Variants in UBR1 observed in about 807,000 individuals in gnomAD.
UBR1 encodes ubiquitin protein ligase E3 component n-recognin 1.
A neutral mutation model predicts 242.1 loss-of-function variants in UBR1; 102 were observed. The observed-to-expected ratio is 0.42, with a 90% CI of 0.36 to 0.50. UBR1 has a LOEUF of 0.50. Among genes scored for constraint, UBR1 ranks in the 20% least tolerant of loss-of-function variants. The pLI is 0.01. For synonymous variants in UBR1, 675 were observed against 684.8 expected, an observed-to-expected ratio of 0.99 and a Z score of 0.22; for missense variants, 1,772 against 2,101.8, an observed-to-expected ratio of 0.84 and a Z score of 3.07.
At chr15:43,097,012 C>T (rs2034169858) in intron 1 of UBR1, among the ~76,000 whole-genome samples, 1 of 152,024 alleles carries the variant, frequency 6.6e-6, no homozygotes, top group Non-Finnish European at 1.5e-5. Flanking sequence ...ACTTTGCCCA[C>T]ATCTATCAGA....
intron 29 of UBR1, among the ~76,000 whole-genome samples, chr15:43,015,403 G>T (rs2033005763): frequency 6.6e-6 from 1 of 152,004 alleles, no homozygotes; most frequent in Non-Finnish European, 1.5e-5. Flanking sequence ...TGGATTAAGG[G>T]CGGTGCAAGA....
intron 33 of UBR1, among the ~76,000 whole-genome samples, chr15:42,991,617 T>C (rs1644130540): frequency 6.6e-6 from 1 of 152,156 alleles, no homozygotes; most frequent in African/African-American, 2.4e-5. Flanking sequence ...AAAAAAAAAT[T>C]GTCCCATAGA....
At chr15:43,012,401 GA>G (rs1484569714) in intron 29 of UBR1, among the ~76,000 whole-genome samples, 2 of 152,126 alleles carry the variant, frequency 1.3e-5, no homozygotes, top group African/African-American at 2.4e-5. Context: ...TAAATGCATA[GA>G]AAGAGGTCTA....
intron 6 of UBR1, among the ~76,000 whole-genome samples, chr15:43,061,563 A>T (rs2033686579): frequency 6.6e-6 from 1 of 152,120 alleles, no homozygotes; most frequent in Non-Finnish European, 1.5e-5. Flanking sequence ...ACACACACAT[A>T]TGTATATATA....
At chr15:43,086,316 T>C in intron 1 of UBR1, 76 bp from the exon 2 acceptor site, 2 of 1,526,124 alleles carry the variant, frequency 1.3e-6, no homozygotes, top group Non-Finnish European at 1.8e-6. Flanking sequence ...AATAATGACA[T>C]AATTCTACAA....
chr15:43,058,517 A>G, intron 9 of UBR1, 88 bp from the exon 10 acceptor site: 1 of 808,470 alleles, frequency 1.2e-6, no homozygotes, highest in Admixed American at 2.2e-5. Flanking sequence ...GTGGCAGAAT[A>G]TTATAAAATT....
chr15:42,947,825 G>A (rs1390440314), intron 46 of UBR1, among the ~76,000 whole-genome samples: 1 of 152,204 alleles, frequency 6.6e-6, no homozygotes, highest in African/African-American at 2.4e-5. Flanking sequence ...CTCATGGGTA[G>A]GAAGAATCAG....
At chr15:42,999,357 C>T (rs2032688677) in intron 32 of UBR1, among the ~76,000 whole-genome samples, 1 of 152,328 alleles carries the variant, frequency 6.6e-6, no homozygotes, top group African/African-American at 2.4e-5. Flanking sequence ...AGAAGAGCTC[C>T]CTGACAACTC....
chr15:43,067,813 C>T (rs1396544507), intron 6 of UBR1, 85 bp downstream of exon 6: 1 of 1,557,710 alleles, frequency 6.4e-7, no homozygotes, highest in Non-Finnish European at 8.8e-7. Flanking sequence ...AGACCTAGCA[C>T]AATACTGAGC....
In UBR1 at chr15:42,979,215, T is replaced by C. The variant is rs529369495; in HGVS notation, c.4151-1268A>G. Reference sequence around the variant, plus strand: ...ACCAATTTTTTCTTTTTTTCTTTTTTTTTTTTTTAGTAGAGATGGGGTTTC... The same window carrying C: ...ACCAATTTTTTCTTTTTTTCTTTTTCTTTTTTTTAGTAGAGATGGGGTTTC... On this transcript the variant is annotated intron_variant, in intron 37 of 46. Transcript: ENST00000290650. Among the ~76,000 whole-genome samples, 59 of 150,718 alleles carry C rather than the reference T, an allele frequency of 3.9e-4. No homozygotes were observed. In the South Asian group the frequency reaches 0.012, roughly 31 times the overall value.
In UBR1 at chr15:42,990,179, G is replaced by C. The variant is rs187300160; in HGVS notation, c.3758-59C>G. The C allele has an allele frequency of 5.1e-6, 6 of 1,180,992 alleles. No homozygotes were observed. The Admixed American group carries it at 1.2e-4, about 24-fold the overall frequency. 73.2% of individuals were successfully genotyped at this position (1,180,992 alleles called of 1,614,324 possible). A position where few individuals can be genotyped will look rare whatever the true frequency, so the allele number is the denominator to read the frequency against. The stretch of plus-strand genomic sequence containing the variant: ...ATGAATGAGTTTAGTCTGACATACA[G>C]TTTTCTAGCATTTATTTATTTATTT... On this transcript the variant is annotated intron_variant, in intron 33 of 46. Coordinates refer to ENST00000290650, the MANE Select transcript of UBR1 (RefSeq NM_174916.3).
In UBR1 at chr15:43,082,817, CA is replaced by C. The variant is rs2033988389; in HGVS notation, c.339-102del. The C allele has an allele frequency of 6.0e-6, 5 of 832,628 alleles. No homozygotes were observed. The East Asian group carries it at 1.3e-4, about 21-fold the overall frequency. The allele number at this position is 832,628 out of a possible 1,614,324, so 51.6% of individuals were successfully genotyped here. A position where few individuals can be genotyped will look rare whatever the true frequency, so the allele number is the denominator to read the frequency against. The stretch of plus-strand genomic sequence containing the variant: ...GTGAACAAGTTTCCTCTATGGTACA[CA>C]AACTGAATATGAAAATGCTTCAAAA... On this transcript the variant is annotated intron_variant, in intron 2 of 46. Coordinates refer to ENST00000290650, the MANE Select transcript of UBR1 (RefSeq NM_174916.3).
intron 12 of UBR1, among the ~76,000 whole-genome samples, chr15:43,049,882 C>A (rs2033532738): frequency 6.6e-6 from 1 of 152,128 alleles, no homozygotes; most frequent in South Asian, 2.1e-4. Flanking sequence ...GCAGCACCAG[C>A]CTCACCTGAG....
chr15:42,966,909 T>A (rs2032114673), intron 40 of UBR1, among the ~76,000 whole-genome samples: 1 of 152,030 alleles, frequency 6.6e-6, no homozygotes, highest in Non-Finnish European at 1.5e-5. Flanking sequence ...ATACTCTTTA[T>A]TTTCAAATTT....
intron 14 of UBR1, among the ~76,000 whole-genome samples, chr15:43,043,805 T>C (rs1028234338): frequency 6.6e-6 from 1 of 152,206 alleles, no homozygotes; most frequent in Admixed American, 6.5e-5. Flanking sequence ...TTCTATGTAT[T>C]ACTAAGTCTA....
chr15:42,992,655 C>A (rs2032573854), intron 33 of UBR1, among the ~76,000 whole-genome samples: 1 of 152,182 alleles, frequency 6.6e-6, no homozygotes, highest in African/African-American at 2.4e-5. Flanking sequence ...GAGGTGAGCC[C>A]AGGACTTGTG....
intron 3 of UBR1, 52 bp from the exon 4 acceptor site, chr15:43,075,141 G>A (rs748639726): frequency 1.5e-6 from 2 of 1,308,050 alleles, no homozygotes; most frequent in Admixed American, 3.4e-5. Context: ...TACTAAGCAT[G>A]AAGAATGATA....
chr15:43,079,286 T>G (rs146405130), intron 3 of UBR1, among the ~76,000 whole-genome samples: 3 of 152,002 alleles, frequency 2.0e-5, no homozygotes, highest in African/African-American at 7.2e-5. Context: ...GGCAACACAG[T>G]GAAACCTCGT....
chr15:42,998,203 G>A lies in UBR1; in HGVS notation c.3722C>T (p.Ala1241Val), dbSNP rs746666900. 1.2e-6 allele frequency: 2 copies of A among 1,613,856 alleles called. No homozygotes were observed. The highest frequency in any genetic ancestry group is 1.7e-6 in the Non-Finnish European group (2 of 1,179,950). The change falls in exon 33 of 47, where the codon GCC becomes GTC. Residue 1241 changes from alanine to valine, a missense_variant. By Grantham distance (64) the Ala-to-Val change is moderately conservative. This residue lies in a region of UBR1 where 965 missense variants were observed against 1,079.7 expected (regional missense o/e 0.89). Transcript: ENST00000290650. Reference sequence around the variant, plus strand: ...TCTTATATTATAACCTGATATTCTGGCCAGAACAGTCTGTATCCACCGTGC... The same window carrying A: ...TCTTATATTATAACCTGATATTCTGACCAGAACAGTCTGTATCCACCGTGC... ...TLARWIQTVL[A>V]RISGYNIRHA...
Sources: gnomAD v4.1 joint callset for allele counts (sites outside exome capture counted in the v4.1 genomes callset) on GRCh38, gnomAD v4.1.1 for gene constraint, gnomAD v4.1.1 regional missense constraint, MANE v1.5 for transcripts, NCBI Gene and HGNC (gene_info 2026-07-23, HGNC 2026-07-21) for gene names.